TNRC6C: variants seen among roughly 807,000 people sequenced by gnomAD.
The protein encoded by TNRC6C is trinucleotide repeat-containing gene 6C protein.
TNRC6C carries 20 observed loss-of-function variants against 153.7 expected under a neutral mutation model. The ratio of observed to expected loss-of-function variants is 0.13; its 90% CI spans 0.09 to 0.19. The LOEUF (loss-of-function observed/expected upper bound fraction) is 0.19. TNRC6C is among the 10% of genes least tolerant of loss of function. The pLI is 1.00. For missense variants in TNRC6C, 1,987 were observed against 2,172.0 expected (o/e 0.91, Z 1.69); for synonymous variants, 811 against 841.4 (o/e 0.96, Z 0.63).
rs60964524 is a variant in TNRC6C, at chr17:78,030,325, CGTGTGT to C, written c.-545-1178_-545-1173del. Among the ~76,000 whole-genome samples, 5 of 149,870 alleles carry C rather than the reference CGTGTGT, an allele frequency of 3.3e-5. No homozygotes were observed. In the East Asian group the frequency reaches 8.0e-4, roughly 24 times the overall value. ...CCACCACACCTGGCTTGTGTGTGTGCGTGTGTGTGTGTGTGTGTAGTAGAGACAGGG... is the reference window on the plus strand; with the variant it reads ...CCACCACACCTGGCTTGTGTGTGTGCGTGTGTGTGTGTAGTAGAGACAGGG... On this transcript the variant is annotated intron_variant, in intron 1 of 19. Transcript: ENST00000301624.
intron 17 of TNRC6C, among the ~76,000 whole-genome samples, chr17:78,100,950 A>AT (rs1240874281): frequency 2.0e-5 from 3 of 151,134 alleles, no homozygotes; most frequent in African/African-American, 7.3e-5. Context: ...TAATTTTTGT[A>AT]TTTTTAGTAG....
intron 1 of TNRC6C, among the ~76,000 whole-genome samples, chr17:77,968,868 A>G (rs953388250): frequency 3.9e-5 from 6 of 152,134 alleles, no homozygotes; most frequent in East Asian, 1.9e-4. Flanking sequence ...CTTTCCCACA[A>G]CCTTTCCCCC....
At chr17:78,007,411 T>A (rs2071540406) in intron 1 of TNRC6C, among the ~76,000 whole-genome samples, 1 of 152,260 alleles carries the variant, frequency 6.6e-6, no homozygotes, top group Non-Finnish European at 1.5e-5. Context: ...TTATTACTGG[T>A]TCAAACCAAA....
chr17:78,073,721 A>G (rs1355131705), intron 7 of TNRC6C, among the ~76,000 whole-genome samples: 1 of 152,198 alleles, frequency 6.6e-6, no homozygotes, highest in East Asian at 1.9e-4. Flanking sequence ...ATTTTTGTCA[A>G]CCAATCAATA....
chr17:78,007,697 G>A (rs2071546370), intron 1 of TNRC6C, among the ~76,000 whole-genome samples: 1 of 152,234 alleles, frequency 6.6e-6, no homozygotes, highest in Non-Finnish European at 1.5e-5. Flanking sequence ...TTAGCAATTT[G>A]AGAGAGTCCG....
At chr17:77,960,454 A>G (rs748779102) in intron 1 of TNRC6C, among the ~76,000 whole-genome samples, 3 of 152,226 alleles carry the variant, frequency 2.0e-5, no homozygotes, top group Non-Finnish European at 2.9e-5. Context: ...TTGAGCCTGC[A>G]TAAGGCCTAC....
intron 1 of TNRC6C, among the ~76,000 whole-genome samples, chr17:78,005,369 T>C (rs2143210077): frequency 6.6e-6 from 1 of 152,346 alleles, no homozygotes; most frequent in Middle Eastern, 3.4e-3. Context: ...CTGATAAAGT[T>C]GATTCAGTTT....
At chr17:78,088,426 G>A (rs900154114) in intron 13 of TNRC6C, among the ~76,000 whole-genome samples, 30 of 151,638 alleles carry the variant, frequency 2.0e-4, no homozygotes, top group South Asian at 4.2e-4. Flanking sequence ...TAGAGACAGG[G>A]TCTTTCTATG....
In TNRC6C at chr17:77,987,032, G is replaced by C. The variant is rs1567902212; in HGVS notation, c.-37-17138G>C. 2.0e-5 allele frequency among the ~76,000 whole-genome samples: 3 copies of C among 152,296 alleles called. No homozygotes were observed. The South Asian group carries it at 6.2e-4, about 32-fold the overall frequency. ...CTCATGAAAATTTTTGGTAGAATTT[G>C]ATTAGCGTTTAAAACTTGGTGAATG... On this transcript the variant is annotated intron_variant, in intron 1 of 22. Transcript: ENST00000636222.
At chr17:78,055,782 T>C (rs1260943767) in intron 3 of TNRC6C, among the ~76,000 whole-genome samples, 3 of 152,190 alleles carry the variant, frequency 2.0e-5, no homozygotes, top group Non-Finnish European at 4.4e-5. Context: ...AGCATTTTTA[T>C]GGATCACCTC....
intron 1 of TNRC6C, among the ~76,000 whole-genome samples, chr17:77,977,272 A>T (rs1025731078): frequency 6.6e-6 from 1 of 152,172 alleles, no homozygotes; most frequent in Non-Finnish European, 1.5e-5. Flanking sequence ...ATAAATCTTC[A>T]TATGTAGTAG....
At chr17:78,086,337 A>G (rs1445399269) in intron 11 of TNRC6C, among the ~76,000 whole-genome samples, 166 bp from the exon 14 acceptor site, 1 of 114,534 alleles carries the variant, frequency 8.7e-6, no homozygotes, top group African/African-American at 4.0e-5. Flanking sequence ...CTAAAAAAAA[A>G]AAAAAAAAAA....
upstream of TNRC6C, among the ~76,000 whole-genome samples, chr17:78,000,261 C>T (rs1409590091): frequency 1.3e-5 from 2 of 152,146 alleles, no homozygotes; most frequent in Non-Finnish European, 2.9e-5. Context: ...TGTTTCTTTC[C>T]ATAGTCTATA....
At chr17:78,082,586 A>T (rs912364193) in intron 10 of TNRC6C, among the ~76,000 whole-genome samples, 1 of 152,212 alleles carries the variant, frequency 6.6e-6, no homozygotes, top group Non-Finnish European at 1.5e-5. Context: ...AGTATGCCTT[A>T]ACCCTAAAGA....
chr17:78,051,505 T>G (rs1331491704), intron 3 of TNRC6C, 57 bp downstream of exon 5: 3 of 1,299,208 alleles, frequency 2.3e-6, no homozygotes, highest in Non-Finnish European at 3.0e-6. Context: ...AAAAGCTTAT[T>G]CTCATTATAT....
intron 1 of TNRC6C, among the ~76,000 whole-genome samples, chr17:77,975,857 T>C (rs1400238888): frequency 6.6e-6 from 1 of 152,232 alleles, no homozygotes; most frequent in Admixed American, 6.5e-5. Flanking sequence ...ATCCTATAAA[T>C]TGAATAAATG....
intron 2 of TNRC6C, among the ~76,000 whole-genome samples, chr17:78,040,057 T>C (rs1484413718): frequency 6.6e-6 from 1 of 152,252 alleles, no homozygotes; most frequent in African/African-American, 2.4e-5. Flanking sequence ...TTCCAGGTTC[T>C]CTTTAGGTAA....
chr17:78,034,635 A>G (rs745705093), intron 2 of TNRC6C, among the ~76,000 whole-genome samples: 4 of 152,210 alleles, frequency 2.6e-5, no homozygotes, highest in African/African-American at 4.8e-5. Flanking sequence ...ATTAGGTCAT[A>G]AGAGTCTTGC....
rs372527086 is a variant in TNRC6C at position 78,098,563 on chromosome 17, G to A, written c.4501+26G>A. On this transcript the variant is annotated intron_variant, in intron 17 of 19. Transcript: ENST00000301624. ...GTAAGCTCCATGCTCCTCGTGTTCC[G>A]ATGGGGGCCTTACCCTTTAGGGGAT... 9.6e-4 allele frequency: 1,542 copies of A among 1,601,546 alleles called. 6 individuals are homozygous for A. The highest frequency in any genetic ancestry group is 6.6e-4 in the Non-Finnish European group (773 of 1,174,598).
Sources: gnomAD v4.1 joint callset for allele counts (sites outside exome capture counted in the v4.1 genomes callset) on GRCh38, gnomAD v4.1.1 for gene constraint, MANE v1.5 for transcripts, NCBI Gene and HGNC (gene_info 2026-07-23, HGNC 2026-07-21) for gene names.